Variants in GPHN observed in about 807,000 individuals in gnomAD.
The protein encoded by GPHN is gephyrin.
GPHN carries 17 observed loss-of-function variants against 95.5 expected under a neutral mutation model. That is an observed-to-expected ratio of 0.18 (90% CI 0.12 to 0.27). GPHN has a LOEUF of 0.27. Among genes scored for constraint, GPHN ranks in the 10% least tolerant of loss-of-function variants. GPHN has a pLI of 1.00. For synonymous variants in GPHN, 320 were observed against 322.5 expected, an observed-to-expected ratio of 0.99 and a Z score of 0.08; for missense variants, 660 against 978.1, an observed-to-expected ratio of 0.67 and a Z score of 4.34.
chr14:66,781,732 T>C (rs2059614681), intron 3 of GPHN, among the ~76,000 whole-genome samples: 1 of 152,200 alleles, frequency 6.6e-6, no homozygotes, highest in Admixed American at 6.5e-5. Flanking sequence ...CTTTGTTTAA[T>C]TGTAAAATAC....
At chr14:67,513,243 T>C in the GPHN span, among the ~76,000 whole-genome samples, 1 of 152,098 alleles carries the variant, frequency 6.6e-6, no homozygotes, top group Non-Finnish European at 1.5e-5. Flanking sequence ...TCCGAATAAA[T>C]AGCTTGGGAC....
chr14:67,056,605 T>C (rs2075581757), intron 10 of GPHN, among the ~76,000 whole-genome samples: 1 of 152,198 alleles, frequency 6.6e-6, no homozygotes, highest in African/African-American at 2.4e-5. Flanking sequence ...TATACAATCC[T>C]CCAGCTAGAC....
the GPHN span, among the ~76,000 whole-genome samples, chr14:67,285,109 T>C: frequency 2.0e-5 from 3 of 152,136 alleles, no homozygotes; most frequent in Non-Finnish European, 4.4e-5. Flanking sequence ...TAATATTAAG[T>C]TCCCCATCTG....
chr14:67,693,417 A>C, the GPHN span, among the ~76,000 whole-genome samples: 1 of 152,126 alleles, frequency 6.6e-6, no homozygotes, highest in Non-Finnish European at 1.5e-5. Flanking sequence ...TCTGTAGGTC[A>C]ATCTGTCCAC....
At chr14:66,657,244 G>A (rs768067621) in intron 1 of GPHN, among the ~76,000 whole-genome samples, 7 of 152,238 alleles carry the variant, frequency 4.6e-5, no homozygotes, top group Non-Finnish European at 7.3e-5. Flanking sequence ...CAAAGGCTAA[G>A]TGAGGTGCAG....
chr14:67,436,805 C>T, the GPHN span, among the ~76,000 whole-genome samples: 18 of 152,296 alleles, frequency 1.2e-4, 1 homozygote, highest in Admixed American at 9.2e-4. Context: ...CTTGTCATCC[C>T]AGCACTTTGG....
chr14:66,792,502 TGTCA>T (rs2060006676), intron 3 of GPHN, among the ~76,000 whole-genome samples: 1 of 147,034 alleles, frequency 6.8e-6, no homozygotes, highest in Non-Finnish European at 1.5e-5. Context: ...AAAAAAAAAC[TGTCA>T]GTCAACCAAG....
intron 1 of GPHN, among the ~76,000 whole-genome samples, chr14:66,643,333 T>A (rs2064542452): frequency 6.6e-6 from 1 of 152,130 alleles, no homozygotes; most frequent in Admixed American, 6.6e-5. Flanking sequence ...TGGGAGTGTT[T>A]ACTAAACCTG....
the GPHN span, chr14:67,203,178 A>G: frequency 5.0e-6 from 8 of 1,614,008 alleles, no homozygotes; most frequent in Non-Finnish European, 6.8e-6. Context: ...CTCCACCCAC[A>G]AGATCCCCAA....
At chr14:67,612,320 G>A in the GPHN span, among the ~76,000 whole-genome samples, 1 of 152,224 alleles carries the variant, frequency 6.6e-6, no homozygotes, top group Non-Finnish European at 1.5e-5. Context: ...GGGGAGGTAT[G>A]TAAATATGTG....
intron 1 of GPHN, among the ~76,000 whole-genome samples, chr14:66,517,716 T>G (rs1459390825): frequency 6.6e-6 from 1 of 152,122 alleles, no homozygotes; most frequent in Non-Finnish European, 1.5e-5. Context: ...CAAGAAATGT[T>G]TCTGGGAAAA....
intron 5 of GPHN, among the ~76,000 whole-genome samples, chr14:66,895,864 T>C (rs2064818446): frequency 6.6e-6 from 1 of 152,192 alleles, no homozygotes; most frequent in Non-Finnish European, 1.5e-5. Context: ...ACAAATCTTT[T>C]TTAAAAAATT....
At chr14:67,267,818 C>G in the GPHN span, among the ~76,000 whole-genome samples, 1 of 152,140 alleles carries the variant, frequency 6.6e-6, no homozygotes, top group Non-Finnish European at 1.5e-5. Flanking sequence ...TTTGCATTTT[C>G]TAGAAATTTT....
the GPHN span, among the ~76,000 whole-genome samples, chr14:67,434,430 A>G: frequency 6.6e-6 from 1 of 152,214 alleles, no homozygotes; most frequent in Non-Finnish European, 1.5e-5. Context: ...AATAGAAAAA[A>G]CAGAAACTAA....
chr14:67,123,012 T>C (rs1008584772), intron 17 of GPHN, among the ~76,000 whole-genome samples: 2 of 152,214 alleles, frequency 1.3e-5, no homozygotes, highest in Non-Finnish European at 2.9e-5. Flanking sequence ...GTCTACACTT[T>C]CTAAACATCC....
chr14:67,122,153 A>G (rs1295545171), intron 16 of GPHN, 103 bp from the exon 17 acceptor site: 9 of 1,052,562 alleles, frequency 8.6e-6, no homozygotes, highest in Non-Finnish European at 1.3e-5. Context: ...ATACCATTGT[A>G]GGTGCTAGAT....
the GPHN span, chr14:67,724,979 C>A: frequency 8.6e-7 from 1 of 1,166,906 alleles, no homozygotes; most frequent in African/African-American, 1.5e-5. Flanking sequence ...TATGTTCACT[C>A]TACCGTTGAA....
At chr14:67,334,718 CT>C in the GPHN span, 8 of 152,364 alleles carry the variant, frequency 5.3e-5, no homozygotes, top group South Asian at 1.4e-3. Context: ...ACACTACTGT[CT>C]CTTCAGATCT....
At chr14:67,581,130 G>T in the GPHN span, 3 of 794,158 alleles carry the variant, frequency 3.8e-6, no homozygotes, top group South Asian at 1.5e-5. Flanking sequence ...CTATCCAGAC[G>T]GGGGGAGGGA....
Sources: gnomAD v4.1 joint callset for allele counts (sites outside exome capture counted in the v4.1 genomes callset) on GRCh38, gnomAD v4.1.1 for gene constraint, MANE v1.5 for transcripts, NCBI Gene and HGNC (gene_info 2026-07-23, HGNC 2026-07-21) for gene names.